The following NAV2 variants were observed in gnomAD, a reference collection of about 807,000 sequenced individuals.
NAV2 encodes neuron navigator 2, also known as helicase, APC down-regulated 1.
In NAV2, 54 loss-of-function variants were observed where a neutral mutation model predicts 223.2. The observed-to-expected ratio is 0.24, with a 90% CI of 0.19 to 0.30. The LOEUF (loss-of-function observed/expected upper bound fraction) is 0.30, where lower values mean the gene tolerates loss of function less well. Ranked by LOEUF, NAV2 falls within the 10% of genes least tolerant of loss-of-function variation. NAV2 has a pLI of 1.00. For missense variants in NAV2, 2,806 were observed against 3,147.5 expected (o/e 0.89, Z 2.60); for synonymous variants, 1,279 against 1,239.3 (o/e 1.03, Z -0.67).
intron 1 of NAV2, among the ~76,000 whole-genome samples, chr11:19,478,386 A>T (rs907316784): frequency 6.6e-6 from 1 of 152,146 alleles, no homozygotes; most frequent in Non-Finnish European, 1.5e-5. Flanking sequence ...ATGTGAGAGG[A>T]TGAGGTGAGG....
chr11:19,970,031 A>T (rs992172978), intron 10 of NAV2, among the ~76,000 whole-genome samples: 1 of 152,186 alleles, frequency 6.6e-6, no homozygotes, highest in Non-Finnish European at 1.5e-5. Flanking sequence ...GCTCTAATAA[A>T]AGTTATGTGA....
In NAV2 at chr11:20,083,039, G is replaced by A. The variant is rs1375033228; in HGVS notation, c.5358G>A (p.Lys1786=). The change falls in exon 26 of 38, where the codon AAG becomes AAA. Residue 1786 remains lysine (K), a synonymous_variant. Coordinates refer to ENST00000349880, the MANE Select transcript of NAV2 (RefSeq NM_145117.5). ...LRSSFKQAFG[K]KKSPKSASSH... ...GCTCCTTCAAGCAAGCTTTCGGGAA[G>A]AAGAAGTCCCCAAAATCTGCGTCCT... is the stretch of plus-strand genomic sequence containing the variant. 5.6e-6 allele frequency: 9 copies of A among 1,614,040 alleles called. No individual in the cohort carries two copies. Among genetic ancestry groups the A allele is most frequent in the Admixed American group, 3.3e-5 (2 of 60,008 alleles).
intron 1 of NAV2, among the ~76,000 whole-genome samples, chr11:19,630,071 T>C (rs111446012): frequency 5.3e-5 from 8 of 152,288 alleles, no homozygotes; most frequent in Admixed American, 2.0e-4. Context: ...CCCCCAACTC[T>C]GTGGTGAACT....
At chr11:19,390,537 CAAGT>C (rs1849206633) in intron 1 of NAV2, among the ~76,000 whole-genome samples, 1 of 152,116 alleles carries the variant, frequency 6.6e-6, no homozygotes, top group African/African-American at 2.4e-5. Flanking sequence ...AAGCAATAAA[CAAGT>C]AAGATAAATA....
At chr11:19,500,242 G>A (rs2042923987) in intron 1 of NAV2, among the ~76,000 whole-genome samples, 3 of 152,008 alleles carry the variant, frequency 2.0e-5, no homozygotes, top group Admixed American at 2.0e-4. Context: ...AGGGTGAGAG[G>A]CATGTGAAGA....
At chr11:20,094,707 C>T (rs1336172179) in intron 29 of NAV2, among the ~76,000 whole-genome samples, 1 of 152,172 alleles carries the variant, frequency 6.6e-6, no homozygotes, top group Non-Finnish European at 1.5e-5. Context: ...GATTATTATC[C>T]TCATTATACA....
intron 11 of NAV2, among the ~76,000 whole-genome samples, chr11:20,031,882 A>G (rs1431893867): frequency 6.6e-6 from 1 of 152,174 alleles, no homozygotes; most frequent in Non-Finnish European, 1.5e-5. Flanking sequence ...TACTGTTTAC[A>G]GTGTGAATCT....
chr11:19,475,686 G>T (rs1458141247), intron 1 of NAV2, among the ~76,000 whole-genome samples: 1 of 152,230 alleles, frequency 6.6e-6, no homozygotes, highest in Non-Finnish European at 1.5e-5. Flanking sequence ...ACCACTGCCA[G>T]AGAGTGCCTA....
chr11:19,592,934 AC>A (rs1427053364), intron 1 of NAV2, among the ~76,000 whole-genome samples: 5 of 152,176 alleles, frequency 3.3e-5, no homozygotes, highest in Non-Finnish European at 5.9e-5. Context: ...GGTCCCTTTC[AC>A]CTGGTTTTCT....
intron 10 of NAV2, among the ~76,000 whole-genome samples, chr11:19,975,414 T>C (rs375834735): frequency 5.9e-5 from 9 of 152,238 alleles, no homozygotes; most frequent in Admixed American, 5.2e-4. Context: ...ATTAGGGCTA[T>C]TATAGGCCTT....
intron 1 of NAV2, among the ~76,000 whole-genome samples, chr11:19,498,511 AG>A (rs2042868768): frequency 6.6e-6 from 1 of 152,248 alleles, no homozygotes; most frequent in East Asian, 1.9e-4. Flanking sequence ...GACATACAGA[AG>A]GTATTCAAGA....
intron 26 of NAV2, among the ~76,000 whole-genome samples, chr11:20,083,522 C>T (rs527881771): frequency 2.0e-5 from 3 of 152,240 alleles, no homozygotes; most frequent in East Asian, 3.9e-4. Flanking sequence ...AATGGATATA[C>T]AGGAGCTTGC....
At chr11:19,701,738 C>G (rs1160497452) in intron 1 of NAV2, among the ~76,000 whole-genome samples, 1 of 152,186 alleles carries the variant, frequency 6.6e-6, no homozygotes, top group Non-Finnish European at 1.5e-5. Flanking sequence ...GTTTATAAAA[C>G]AATATCTTTC....
intron 1 of NAV2, among the ~76,000 whole-genome samples, chr11:19,490,973 C>T (rs992226760): frequency 2.6e-5 from 4 of 152,164 alleles, no homozygotes; most frequent in African/African-American, 7.2e-5. Flanking sequence ...ACACCTCCAT[C>T]AGAGCTTTTG....
intron 12 of NAV2, among the ~76,000 whole-genome samples, chr11:20,043,109 A>G (rs2057096017): frequency 6.6e-6 from 1 of 152,190 alleles, no homozygotes; most frequent in Non-Finnish European, 1.5e-5. Flanking sequence ...TGGGGGAAGT[A>G]GCATTTGAGG....
At chr11:19,968,841 G>C (rs148137094) in intron 10 of NAV2, among the ~76,000 whole-genome samples, 289 of 152,238 alleles carry the variant, frequency 1.9e-3, no homozygotes, top group Middle Eastern at 6.8e-3. Flanking sequence ...GTGTTTCGGC[G>C]ACTTCTCAGC....
intron 1 of NAV2, among the ~76,000 whole-genome samples, chr11:19,628,367 C>T (rs201696301): frequency 6.6e-6 from 1 of 152,224 alleles, no homozygotes; most frequent in African/African-American, 2.4e-5. Context: ...AGTGCAGGGC[C>T]CTGTGAGGAG....
intron 1 of NAV2, among the ~76,000 whole-genome samples, chr11:19,410,225 T>G (rs781266223): frequency 2.0e-4 from 31 of 152,176 alleles, no homozygotes; most frequent in Admixed American, 9.8e-4. Flanking sequence ...GCAAACTTTT[T>G]GTTTCGCTTC....
At chr11:19,883,044 C>T (rs2063315402) in intron 5 of NAV2, among the ~76,000 whole-genome samples, 1 of 152,148 alleles carries the variant, frequency 6.6e-6, no homozygotes, top group African/African-American at 2.4e-5. Flanking sequence ...TCTTTGATAA[C>T]CAAAATTCCA....
Sources: allele counts gnomAD v4.1 joint callset (sites outside exome capture counted in the v4.1 genomes callset), GRCh38; gene constraint gnomAD v4.1.1; transcripts MANE v1.5; gene names NCBI Gene and HGNC (gene_info 2026-07-23, HGNC 2026-07-21).